The following NRXN3 variants were observed in gnomAD, a reference collection of about 807,000 sequenced individuals.
NRXN3 encodes the protein neurexin III.
A neutral mutation model predicts 137.6 loss-of-function variants in NRXN3; 32 were observed. That is an observed-to-expected ratio of 0.23 (90% CI 0.18 to 0.31). The LOEUF is 0.31. Ranked by LOEUF, NRXN3 falls within the 10% of genes least tolerant of loss-of-function variation. The pLI is 1.00. For missense variants in NRXN3, 1,574 were observed against 2,062.5 expected, an observed-to-expected ratio of 0.76 and a Z score of 4.59; for synonymous variants, 798 against 784.5, an observed-to-expected ratio of 1.02 and a Z score of -0.29.
intron 17 of NRXN3, among the ~76,000 whole-genome samples, chr14:79,679,325 C>A (rs555973084): frequency 6.6e-6 from 1 of 151,998 alleles, no homozygotes; most frequent in South Asian, 2.1e-4. Context: ...TATCTTTACA[C>A]GTAAAATCAC....
At chr14:78,949,675 G>C (rs187063875) in intron 10 of NRXN3, among the ~76,000 whole-genome samples, 2 of 152,162 alleles carry the variant, frequency 1.3e-5, no homozygotes, top group African/African-American at 4.8e-5. Flanking sequence ...TGCTGAAGCA[G>C]TAAACTCTCA....
chr14:79,864,529 G>GTGAT lies in NRXN3; in HGVS notation c.*2566_*2569dup, dbSNP rs767544700. On this transcript the variant is annotated 3_prime_UTR_variant, in exon 21 of 21. Transcript: ENST00000335750. ...CGAGTAAGAGCTAGACCACTTTCAT[G>GTGAT]TGATAGAAGATATTCTAAGCAGTTA... 1 of 152,516 alleles carries GTGAT rather than the reference G, an allele frequency of 6.6e-6. No individual in the cohort carries two copies. The highest frequency in any genetic ancestry group is 2.4e-5 in the African/African-American group (1 of 41,416). 9.4% of individuals were successfully genotyped at this position (152,516 alleles called of 1,614,324 possible).
chr14:79,490,842 A>C (rs1021844870), intron 16 of NRXN3, among the ~76,000 whole-genome samples: 3 of 152,162 alleles, frequency 2.0e-5, no homozygotes, highest in Middle Eastern at 3.2e-3. Context: ...TCAATGGATA[A>C]ATGTTTGAGG....
At chr14:78,649,366 T>C in intron 5 of NRXN3, 1 of 796,948 alleles carries the variant, frequency 1.3e-6, no homozygotes, top group Non-Finnish European at 1.8e-6. Context: ...GTTGCCCCCC[T>C]TTTCCTCTCC....
chr14:79,778,728 TA>T (rs548488009), intron 19 of NRXN3, among the ~76,000 whole-genome samples: 29 of 152,054 alleles, frequency 1.9e-4, no homozygotes, highest in African/African-American at 5.5e-4. Context: ...CTGTATAGTT[TA>T]AAAAAAACAT....
At chr14:79,803,097 G>T (rs1234884691) in intron 19 of NRXN3, among the ~76,000 whole-genome samples, 1 of 152,108 alleles carries the variant, frequency 6.6e-6, no homozygotes, top group Admixed American at 6.6e-5. Context: ...AGCAAGGTTT[G>T]AATTATACCC....
In NRXN3 at chr14:79,800,215, G is replaced by A. The variant is rs920490348; in HGVS notation, c.4015-4897G>A. ...AAAAAATGTGAAGATGACATTGAAC[G>A]CAACTTGATAAACATTCCCAACGTA... is the stretch of plus-strand genomic sequence containing the variant. On this transcript the variant is annotated intron_variant, in intron 19 of 20. Coordinates refer to ENST00000335750, the MANE Select transcript of NRXN3 (RefSeq NM_001330195.2). 6.6e-5 allele frequency among the ~76,000 whole-genome samples: 10 copies of A among 152,268 alleles called. No individual in the cohort carries two copies. In the East Asian group the frequency reaches 1.2e-3, roughly 18 times the overall value.
At chr14:78,713,068 T>A (rs2098416705) in intron 7 of NRXN3, among the ~76,000 whole-genome samples, 1 of 152,162 alleles carries the variant, frequency 6.6e-6, no homozygotes, top group South Asian at 2.1e-4. Context: ...GACAGGAAGT[T>A]TAGATATCAC....
chr14:78,374,081 C>T (rs1444191303), intron 4 of NRXN3, among the ~76,000 whole-genome samples: 3 of 152,154 alleles, frequency 2.0e-5, no homozygotes, highest in African/African-American at 7.2e-5. Context: ...GTCCTGGGTC[C>T]TAACACTTCC....
At chr14:78,604,808 A>C (rs2097234170) in intron 4 of NRXN3, among the ~76,000 whole-genome samples, 1 of 152,228 alleles carries the variant, frequency 6.6e-6, no homozygotes, top group African/African-American at 2.4e-5. Flanking sequence ...TTAGAAATTC[A>C]TAAGAGCCCC....
intron 4 of NRXN3, among the ~76,000 whole-genome samples, chr14:78,599,877 G>A (rs2097188892): frequency 6.6e-6 from 1 of 152,232 alleles, no homozygotes; most frequent in Admixed American, 6.5e-5. Flanking sequence ...TGGTGGTGGG[G>A]AAGATGGAGT....
Position 78,709,291 on chromosome 14 carries a change from C to A in NRXN3, c.1296C>A (p.Ile432=). The change falls in exon 7 of 21, where the codon ATC becomes ATA. Residue 432 remains isoleucine, a synonymous_variant. Transcript: ENST00000335750. ...GGATTGCGGACACCAAGATGAAAAT[C>A]TATGGCGAAGTTGTGTTTAAGTGTG... ...LARIADTKMK[I]YGEVVFKCEN... 1 of 1,614,128 alleles carries A rather than the reference C, an allele frequency of 6.2e-7. No homozygotes were observed.
intron 2 of NRXN3, among the ~76,000 whole-genome samples, chr14:78,271,930 G>A (rs978849435): frequency 2.0e-5 from 3 of 152,092 alleles, no homozygotes; most frequent in East Asian, 3.9e-4. Flanking sequence ...GCCCTAGAAC[G>A]AAGGAAACAA....
At chr14:78,378,451 C>T (rs1265395705) in intron 4 of NRXN3, among the ~76,000 whole-genome samples, 1 of 148,578 alleles carries the variant, frequency 6.7e-6, no homozygotes, top group Non-Finnish European at 1.5e-5. Context: ...TGCCATTGCA[C>T]TCCAGCCTGG....
At chr14:79,246,998 A>T (rs1415595445) in intron 15 of NRXN3, 1 of 152,312 alleles carries the variant, frequency 6.6e-6, no homozygotes, top group East Asian at 1.9e-4. Flanking sequence ...AGTTCTAGTA[A>T]TAACAACCAA....
In NRXN3 at chr14:79,487,335, TTGTGCTACATGTTTCACCA is replaced by T. The variant is rs149312092; in HGVS notation, c.3444+19945_3444+19963del. On this transcript the variant is annotated intron_variant, in intron 16 of 20. Transcript: ENST00000335750. ...TCGCATTTCATTTTGTAACATGTTC[TTGTGCTACATGTTTCACCA>T]TGTGCTACATGGTGAAAGGCATTTT... Among the ~76,000 whole-genome samples the T allele has an allele frequency of 2.8e-3, 419 of 152,238 alleles. 17 individuals are homozygous for T. The East Asian group carries it at 0.063, about 23-fold the overall frequency.
rs1491383075 is a variant in NRXN3 at position 79,858,977 on chromosome 14, T to TAA, written c.4094-2358_4094-2357dup. Among the ~76,000 whole-genome samples the TAA allele has an allele frequency of 4.2e-4, 17 of 40,006 alleles. 1 individual carries two copies. Among genetic ancestry groups the TAA allele is most frequent in the African/African-American group, 3.5e-4 (4 of 11,432 alleles). The allele number at this position is 40,006 out of a possible 152,430, so 26.2% of individuals were successfully genotyped here. Reference sequence around the variant, plus strand: ...ATATGAATTATATATGTTCACAATGTAAAAAAAAGAAAAAAAAAAAAAACA... The same window carrying TAA: ...ATATGAATTATATATGTTCACAATGTAAAAAAAAAAGAAAAAAAAAAAAAACA... On this transcript the variant is annotated intron_variant, in intron 20 of 20. Transcript: ENST00000335750.
intron 15 of NRXN3, among the ~76,000 whole-genome samples, chr14:79,243,336 G>C (rs2074605115): frequency 6.6e-6 from 1 of 152,190 alleles, no homozygotes; most frequent in Non-Finnish European, 1.5e-5. Context: ...AACTGGCTCA[G>C]CTAGATTTGG....
intron 2 of NRXN3, among the ~76,000 whole-genome samples, chr14:78,244,290 C>T (rs1425816705): frequency 6.6e-6 from 1 of 152,102 alleles, no homozygotes; most frequent in Admixed American, 6.5e-5. Flanking sequence ...ATTAGCTGGG[C>T]ATGGTGGCGC....
Sources: allele counts gnomAD v4.1 joint callset (sites outside exome capture counted in the v4.1 genomes callset), GRCh38; gene constraint gnomAD v4.1.1; transcripts MANE v1.5; gene names NCBI Gene and HGNC (gene_info 2026-07-23, HGNC 2026-07-21).